Variants in HTT-AS observed in about 807,000 individuals in gnomAD.
HTT-AS encodes HTT antisense RNA.
intron 2 of HTT-AS, among the ~76,000 whole-genome samples, chr4:3,053,428 G>C (rs1159386860): frequency 1.3e-5 from 2 of 152,168 alleles, no homozygotes; most frequent in African/African-American, 4.8e-5. Flanking sequence ...AGCTACTCAG[G>C]AGGCTGAGGC....
At chr4:3,068,891 G>A (rs1482145153) in intron 1 of HTT-AS, among the ~76,000 whole-genome samples, 26 of 152,160 alleles carry the variant, frequency 1.7e-4, no homozygotes, top group Admixed American at 1.6e-3. Flanking sequence ...CTGACCTCAG[G>A]TGATCCACCT....
intron 1 of HTT-AS, among the ~76,000 whole-genome samples, chr4:3,069,080 G>C (rs373131352): frequency 1.4e-4 from 22 of 152,110 alleles, no homozygotes; most frequent in African/African-American, 4.8e-4. Context: ...ATTTACGTTA[G>C]ATTTTGATAC....
At chr4:3,065,052 T>C (rs1293613583) in intron 1 of HTT-AS, among the ~76,000 whole-genome samples, 3 of 152,194 alleles carry the variant, frequency 2.0e-5, no homozygotes, top group African/African-American at 2.4e-5. Context: ...ATTATTTTCA[T>C]AGATGCTGTA....
intron 2 of HTT-AS, among the ~76,000 whole-genome samples, chr4:3,051,573 C>T (rs1711703633): frequency 6.6e-6 from 1 of 151,600 alleles, no homozygotes; most frequent in African/African-American, 2.4e-5. Flanking sequence ...AAGCCTGGCA[C>T]ACAGCAAAAG....
chr4:3,057,842 C>T (rs1354053765), intron 2 of HTT-AS, among the ~76,000 whole-genome samples: 1 of 151,418 alleles, frequency 6.6e-6, no homozygotes, highest in African/African-American at 2.4e-5. Flanking sequence ...CCAGGATGGT[C>T]TCAATCTCCT....
At chr4:3,051,026 C>T (rs1711690968) in intron 2 of HTT-AS, among the ~76,000 whole-genome samples, 1 of 118,294 alleles carries the variant, frequency 8.5e-6, no homozygotes, top group African/African-American at 3.2e-5. Flanking sequence ...TAATCCCTTA[C>T]AATTTGTGTG....
At chr4:3,060,012 C>G (rs1711897013) in intron 2 of HTT-AS, among the ~76,000 whole-genome samples, 2 of 150,984 alleles carry the variant, frequency 1.3e-5, no homozygotes, top group African/African-American at 4.9e-5. Context: ...ACCTCTGTCT[C>G]CTGGGTTCCA....
chr4:3,074,620 C>A, upstream of HTT-AS: 1 of 429,834 alleles, frequency 2.3e-6, no homozygotes, highest in Non-Finnish European at 3.9e-6. Context: ...CGTGGCCCCG[C>A]CTCCGCCGGC....
chr4:3,054,090 C>T (rs1203445114), intron 2 of HTT-AS, among the ~76,000 whole-genome samples: 4 of 151,906 alleles, frequency 2.6e-5, no homozygotes, highest in Admixed American at 1.3e-4. Context: ...TCATAAACTG[C>T]TTTGACTTTT....
At chr4:3,059,803 C>T (rs1711890752) in intron 2 of HTT-AS, among the ~76,000 whole-genome samples, 1 of 152,186 alleles carries the variant, frequency 6.6e-6, no homozygotes, top group East Asian at 1.9e-4. Context: ...AAACTCCTGA[C>T]CTCAGGTGGT....
chr4:3,048,953 G>C (rs61120626), downstream of HTT-AS, among the ~76,000 whole-genome samples: 3,368 of 152,262 alleles, frequency 0.022, 134 homozygotes, highest in African/African-American at 0.077. Flanking sequence ...TCTCATTAAA[G>C]TTTCTCACCT....
At chr4:3,047,193 C>T (rs1279160301), downstream of HTT-AS, among the ~76,000 whole-genome samples, 4 of 152,228 alleles carry the variant, frequency 2.6e-5, no homozygotes, top group South Asian at 6.2e-4. Flanking sequence ...CACCTGTAGT[C>T]CCAGCTACTC....
In HTT-AS at chr4:3,056,495, C is replaced by T. The variant is rs770615475; in HGVS notation, n.1380+5939G>A. Among the ~76,000 whole-genome samples the T allele has an allele frequency of 3.9e-5, 6 of 152,298 alleles. No homozygotes were observed. In the East Asian group the frequency reaches 9.7e-4, roughly 25 times the overall value. ...CAGGTGCGTAAGTTACAGTTTCAATCTTGTCTACCTATAAGTTAGGTTGTA... is the reference window on the plus strand; with the variant it reads ...CAGGTGCGTAAGTTACAGTTTCAATTTTGTCTACCTATAAGTTAGGTTGTA... On this transcript the variant is annotated intron_variant and non_coding_transcript_variant, in intron 2 of 2. Transcript: ENST00000664062.
chr4:3,057,476 A>G (rs1412163164), intron 2 of HTT-AS, among the ~76,000 whole-genome samples: 3 of 152,208 alleles, frequency 2.0e-5, no homozygotes, highest in African/African-American at 4.8e-5. Context: ...TGACCCCAAG[A>G]GAGGGTTCTT....
At chr4:3,050,722 C>T (rs960293682) in intron 2 of HTT-AS, among the ~76,000 whole-genome samples, 2 of 152,024 alleles carry the variant, frequency 1.3e-5, no homozygotes, top group Non-Finnish European at 2.9e-5. Flanking sequence ...TTTAGAAATC[C>T]CATTTAATTT....
chr4:3,063,410 A>G (rs2110123351), exon 2 of HTT-AS: 1 of 152,462 alleles, frequency 6.6e-6, no homozygotes, highest in African/African-American at 2.4e-5. Flanking sequence ...GGGGCTCAGA[A>G]CAGTGCAAAT....
At chr4:3,070,477 G>C (rs1391348827) in intron 1 of HTT-AS, among the ~76,000 whole-genome samples, 1 of 152,076 alleles carries the variant, frequency 6.6e-6, no homozygotes, top group Non-Finnish European at 1.5e-5. Flanking sequence ...TTTTAGTTGA[G>C]AGAGGGTTTC....
chr4:3,061,986 TAAAAAAAAA>T (rs548695397), intron 2 of HTT-AS, among the ~76,000 whole-genome samples: 14 of 63,420 alleles, frequency 2.2e-4, no homozygotes, highest in Admixed American at 1.4e-3. Flanking sequence ...TATCTCAAAT[TAAAAAAAAA>T]AAAAAAAAAA....
chr4:3,059,632 C>T (rs897159343), intron 2 of HTT-AS, among the ~76,000 whole-genome samples: 2 of 152,100 alleles, frequency 1.3e-5, no homozygotes, highest in Non-Finnish European at 2.9e-5. Flanking sequence ...CTCCGTCACC[C>T]AGGCTGGAGT....
Sources: allele counts gnomAD v4.1 joint callset (sites outside exome capture counted in the v4.1 genomes callset), GRCh38; gene constraint gnomAD v4.1.1; transcripts MANE v1.5; gene names NCBI Gene and HGNC (gene_info 2026-07-23, HGNC 2026-07-21).